NXN: variants seen among roughly 807,000 people sequenced by gnomAD.
NXN encodes nucleoredoxin.
NXN carries 16 observed loss-of-function variants against 48.6 expected under a neutral mutation model. The observed-to-expected ratio is 0.33, with a 90% confidence interval of 0.22 to 0.50. NXN has a LOEUF of 0.50. NXN is among the 20% of genes least tolerant of loss of function. The pLI is 0.98. For synonymous variants in NXN, 281 were observed against 269.6 expected (o/e 1.04, Z -0.41); for missense variants, 492 against 605.5 (o/e 0.81, Z 1.97).
intron 1 of NXN, among the ~76,000 whole-genome samples, chr17:836,509 C>G (rs752772946): frequency 1.7e-4 from 26 of 152,118 alleles, no homozygotes; most frequent in Non-Finnish European, 3.2e-4. Context: ...GACCAAACAC[C>G]ATGATATACA....
In NXN at chr17:979,738, G is replaced by GAGGAGGCGGCGGCGTC; in HGVS notation, c.-76_-61dup. The stretch of plus-strand genomic sequence containing the variant: ...CCCCGCTCCACGGTCCGCGCGGCGG[G>GAGGAGGCGGCGGCGTC]AGGAGGCGGCGGCGTCGGCGGCAGG... On this transcript the variant is annotated 5_prime_UTR_variant, in exon 1 of 8. Coordinates refer to ENST00000336868, the MANE Select transcript of NXN (RefSeq NM_022463.5). 1.6e-6 allele frequency: 2 copies of GAGGAGGCGGCGGCGTC among 1,252,688 alleles called. No homozygotes were observed. Among genetic ancestry groups the GAGGAGGCGGCGGCGTC allele is most frequent in the Non-Finnish European group, 2.0e-6 (2 of 993,162 alleles). 77.6% of individuals were successfully genotyped at this position (1,252,688 alleles called of 1,614,324 possible). A position where few individuals can be genotyped will look rare whatever the true frequency, so the allele number is the denominator to read the frequency against.
chr17:864,039 C>A, intron 1 of NXN: 1 of 1,515,166 alleles, frequency 6.6e-7, no homozygotes, highest in Non-Finnish European at 8.8e-7. Flanking sequence ...GGTGAAGGGA[C>A]ACGTCTGCCA....
chr17:942,475 C>A, intron 1 of NXN, among the ~76,000 whole-genome samples: 1 of 60,616 alleles, frequency 1.6e-5, no homozygotes, highest in South Asian at 5.6e-4. Context: ...GCCATGAATT[C>A]ACCAAACACC....
chr17:927,227 G>A (rs1003640921), intron 1 of NXN, among the ~76,000 whole-genome samples: 3 of 151,722 alleles, frequency 2.0e-5, no homozygotes, highest in Admixed American at 2.0e-4. Context: ...GTTGCAGTGA[G>A]CCGAGATTGT....
intron 1 of NXN, among the ~76,000 whole-genome samples, chr17:841,623 C>CCCGCGAGCA (rs1914297187): frequency 1.6e-5 from 2 of 125,068 alleles, no homozygotes; most frequent in Non-Finnish European, 3.4e-5. Flanking sequence ...GCATCTCACA[C>CCCGCGAGCA]GGGCAAGCAG....
At chr17:930,737 T>C (rs1012595128) in intron 1 of NXN, among the ~76,000 whole-genome samples, 1 of 151,128 alleles carries the variant, frequency 6.6e-6, no homozygotes, top group African/African-American at 2.4e-5. Flanking sequence ...AAACCGTAAA[T>C]GGTGGTATAC....
intron 1 of NXN, chr17:910,680 G>A (rs190884064): frequency 1.3e-5 from 2 of 152,082 alleles, no homozygotes; most frequent in African/African-American, 2.4e-5. Context: ...AAATGTGCTC[G>A]GTATTGCTTC....
At chr17:802,705 C>CG (rs1383123479) in intron 7 of NXN, among the ~76,000 whole-genome samples, 1 of 152,164 alleles carries the variant, frequency 6.6e-6, no homozygotes. Context: ...CCTCCACCCC[C>CG]GGGCTGAGCA....
chr17:974,520 C>G (rs2069434290), intron 1 of NXN, among the ~76,000 whole-genome samples: 1 of 151,940 alleles, frequency 6.6e-6, no homozygotes, highest in Non-Finnish European at 1.5e-5. Flanking sequence ...CACCACATGC[C>G]AGGCACGTGT....
intron 1 of NXN, 46 bp downstream of exon 1, chr17:979,273 C>G: frequency 1.2e-6 from 1 of 860,646 alleles, no homozygotes; most frequent in Non-Finnish European, 1.4e-6. Flanking sequence ...GCAGGGGTAA[C>G]GGGCGTGGGG....
intron 1 of NXN, among the ~76,000 whole-genome samples, chr17:928,735 C>G (rs1005859260): frequency 6.6e-6 from 1 of 152,096 alleles, no homozygotes; most frequent in Admixed American, 6.5e-5. Flanking sequence ...ACTCGGGAGG[C>G]TGAGGAGGGA....
intron 1 of NXN, among the ~76,000 whole-genome samples, chr17:940,027 G>C (rs550182682): frequency 1.3e-5 from 2 of 151,670 alleles, no homozygotes; most frequent in Non-Finnish European, 2.9e-5. Context: ...TCAAACTGCC[G>C]GGATCAAGTG....
intron 1 of NXN, among the ~76,000 whole-genome samples, chr17:832,149 C>G (rs938050297): frequency 6.6e-6 from 1 of 150,940 alleles, no homozygotes; most frequent in Non-Finnish European, 1.5e-5. Flanking sequence ...ACCCTTCAAA[C>G]GTAAGCATGT....
At chr17:816,280 G>A (rs1411605066) in intron 5 of NXN, among the ~76,000 whole-genome samples, 1 of 152,086 alleles carries the variant, frequency 6.6e-6, no homozygotes, top group African/African-American at 2.4e-5. Flanking sequence ...GAAGGACAAA[G>A]TACAACCCAT....
In NXN at chr17:807,922, T is replaced by C. The variant is rs563751071; in HGVS notation, c.821-2675A>G. On this transcript the variant is annotated intron_variant, in intron 5 of 7. Transcript: ENST00000336868. ...CACAGATGGCACTGGCTAATCCTTA[T>C]CACAGATGGGGCGGGCAGCATCAGG... Among the ~76,000 whole-genome samples, 9 of 152,276 alleles carry C rather than the reference T, an allele frequency of 5.9e-5. No homozygotes were observed. In the South Asian group the frequency reaches 1.9e-3, roughly 32 times the overall value.
At chr17:808,406 G>A (rs571465866) in intron 5 of NXN, among the ~76,000 whole-genome samples, 8 of 151,458 alleles carry the variant, frequency 5.3e-5, no homozygotes, top group Non-Finnish European at 7.4e-5. Flanking sequence ...GGGTTCAAGC[G>A]ATTCTCCTGC....
intron 1 of NXN, chr17:908,068 A>T (rs764102035): frequency 5.9e-5 from 9 of 152,200 alleles, no homozygotes; most frequent in Non-Finnish European, 1.0e-4. Context: ...TAAAGGTTCC[A>T]AGAAAAAAAG....
Position 825,157 on chromosome 17 carries a change from G to T in NXN, c.478+804C>A, listed in dbSNP as rs541865615. On this transcript the variant is annotated intron_variant, in intron 2 of 7. Coordinates refer to ENST00000336868, the MANE Select transcript of NXN (RefSeq NM_022463.5). This position sits in a 1 kb window ranked among gnomAD's most constrained non-coding sequence, Gnocchi z 4.1. ...GAGTTGAGCTCAGGAGGTCGAGGCT[G>T]CAGTGAACCGGGATCATGCCACAGC... 4.7e-4 allele frequency among the ~76,000 whole-genome samples: 72 copies of T among 151,932 alleles called. No individual in the cohort carries two copies. Among genetic ancestry groups the T allele is most frequent in the African/African-American group, 1.7e-3 (69 of 41,438 alleles).
intron 1 of NXN, among the ~76,000 whole-genome samples, chr17:908,999 G>A (rs1020708651): frequency 2.0e-5 from 3 of 150,834 alleles, no homozygotes; most frequent in South Asian, 2.1e-4. Flanking sequence ...TCAGCTACTC[G>A]GGGGCAGGAG....
Sources: allele counts gnomAD v4.1 joint callset (sites outside exome capture counted in the v4.1 genomes callset), GRCh38; gene constraint gnomAD v4.1.1; non-coding constraint Gnocchi (gnomAD v3.1); transcripts MANE v1.5; gene names NCBI Gene and HGNC (gene_info 2026-07-23, HGNC 2026-07-21).